MGST1: variants seen among roughly 807,000 people sequenced by gnomAD.
MGST1 encodes glutathione S-transferase 12.
In MGST1, 5 loss-of-function variants were observed where a neutral mutation model predicts 8.9. The ratio of observed to expected loss-of-function variants is 0.56; its 90% CI spans 0.29 to 1.19. The LOEUF (loss-of-function observed/expected upper bound fraction) is 1.19. Among genes scored for constraint, MGST1 ranks in the 50% most tolerant of loss-of-function variants. The pLI, the probability that MGST1 is intolerant of heterozygous loss-of-function variation, is 0.08. For missense variants in MGST1, 182 were observed against 187.4 expected (o/e 0.97, Z 0.17); for synonymous variants, 54 against 67.8 (o/e 0.80, Z 1.00).
At chr12:16,466,169 T>C (rs1355704363) in intron 4 of MGST1, among the ~76,000 whole-genome samples, 1 of 152,202 alleles carries the variant, frequency 6.6e-6, no homozygotes, top group African/African-American at 2.4e-5. Context: ...ACACGTCATT[T>C]CTGATTTCTG....
chr12:16,381,335 G>A (rs1940452227), downstream of MGST1, among the ~76,000 whole-genome samples: 1 of 152,116 alleles, frequency 6.6e-6, no homozygotes, highest in African/African-American at 2.4e-5. Context: ...GGCAGGCCTG[G>A]TGGTGACAAA....
At chr12:16,351,955 G>A (rs1345763219) in intron 1 of MGST1, among the ~76,000 whole-genome samples, 2 of 152,180 alleles carry the variant, frequency 1.3e-5, no homozygotes, top group Non-Finnish European at 2.9e-5. Flanking sequence ...ACTTGTGCCA[G>A]CCACAGAGTA....
At chr12:16,357,531 G>T in intron 2 of MGST1, 74 bp from the exon 3 acceptor site, 2 of 1,140,464 alleles carry the variant, frequency 1.8e-6, no homozygotes, top group South Asian at 1.5e-5. Context: ...CTCACAAAGC[G>T]CTGGAATTAC....
chr12:16,365,410 G>A (rs1033272953), downstream of MGST1, among the ~76,000 whole-genome samples: 1 of 152,006 alleles, frequency 6.6e-6, no homozygotes, highest in African/African-American at 2.4e-5. Context: ...TTTTAAATAT[G>A]TATTTCTCAA....
At position 16,559,371 on chromosome 12, in the gene MGST1, C is replaced by T. The variant is rs1942306226; in HGVS notation, n.483-30157C>T. On this transcript the variant is annotated intron_variant and non_coding_transcript_variant, in intron 4 of 4. Coordinates refer to the MGST1 transcript ENST00000538857. This position sits in a 1 kb window ranked among gnomAD's most constrained non-coding sequence, Gnocchi z 4.1. ...AATGGAATTAAGTGATAATACTTTT[C>T]AGCTGAAAGAATTCTCTGAGATGAA... is the stretch of plus-strand genomic sequence containing the variant. Among the ~76,000 whole-genome samples the T allele has an allele frequency of 6.6e-6, 1 of 152,082 alleles. No homozygotes were observed. The highest frequency in any genetic ancestry group is 2.4e-5 in the African/African-American group (1 of 41,416).
intron 4 of MGST1, among the ~76,000 whole-genome samples, chr12:16,552,697 T>A (rs1345149997): frequency 6.6e-6 from 1 of 152,074 alleles, no homozygotes; most frequent in Non-Finnish European, 1.5e-5. Flanking sequence ...CTGATGATGT[T>A]GATTGAAAGC....
downstream of MGST1, among the ~76,000 whole-genome samples, chr12:16,590,074 A>G (rs2137610689): frequency 6.6e-6 from 1 of 152,264 alleles, no homozygotes; most frequent in East Asian, 1.9e-4. Flanking sequence ...AGCCCATTTT[A>G]TAAATATACA....
chr12:16,536,682 A>T, intron 4 of MGST1, among the ~76,000 whole-genome samples: 1 of 152,138 alleles, frequency 6.6e-6, no homozygotes, highest in East Asian at 1.9e-4. Context: ...GGTGAAAGGC[A>T]CGTCTTACAT....
intron 4 of MGST1, among the ~76,000 whole-genome samples, chr12:16,564,118 A>AT (rs1187877549): frequency 4.6e-5 from 7 of 152,010 alleles, no homozygotes; most frequent in East Asian, 1.9e-4. Context: ...TTTCTATTCC[A>AT]TTTTTTTGCT....
chr12:16,394,575 T>TTC (rs147211015), intron 1 of MGST1, among the ~76,000 whole-genome samples: 1,059 of 73,352 alleles, frequency 0.014, 33 homozygotes, highest in South Asian at 0.049. Context: ...TCTTTCTTTC[T>TTC]TCTCTCTGTC....
chr12:16,530,986 A>C (rs1316775465), intron 4 of MGST1, among the ~76,000 whole-genome samples: 2 of 152,016 alleles, frequency 1.3e-5, no homozygotes, highest in Non-Finnish European at 2.9e-5. Context: ...TAGGCATGTC[A>C]GGAAACGGCA....
At chr12:16,563,597 C>A (rs1351542950) in intron 4 of MGST1, among the ~76,000 whole-genome samples, 1 of 152,104 alleles carries the variant, frequency 6.6e-6, no homozygotes, top group East Asian at 1.9e-4. Flanking sequence ...ACCTCTTCCT[C>A]TGCACTCTTT....
chr12:16,526,414 G>A (rs1314679030), intron 4 of MGST1, among the ~76,000 whole-genome samples: 6 of 151,822 alleles, frequency 4.0e-5, no homozygotes, highest in East Asian at 1.9e-4. Context: ...CTCCTAGTGC[G>A]GTATGTTGCT....
At chr12:16,462,617 T>C (rs1343770899) in intron 4 of MGST1, among the ~76,000 whole-genome samples, 1 of 152,130 alleles carries the variant, frequency 6.6e-6, no homozygotes, top group African/African-American at 2.4e-5. Context: ...AAGTCACAAT[T>C]TTTGCTGAGA....
At position 16,500,860 on chromosome 12, in the gene MGST1, C is replaced by A; in HGVS notation, n.483-88668C>A. Among the ~76,000 whole-genome samples the A allele has an allele frequency of 6.6e-6, 1 of 152,166 alleles. No homozygotes were observed. Among genetic ancestry groups the A allele is most frequent in the East Asian group, 1.9e-4 (1 of 5,194 alleles). ...GTGGCTCACGCCTGTAATCCCAGCA[C>A]TTTGGGAGACCAAGGCAGGCGGATC... is the stretch of plus-strand genomic sequence containing the variant. On this transcript the variant is annotated intron_variant and non_coding_transcript_variant, in intron 4 of 4. Transcript: ENST00000538857. This position sits in a 1 kb window ranked among gnomAD's most constrained non-coding sequence, Gnocchi z 4.3.
At chr12:16,387,635 T>C (rs1486102385) in intron 1 of MGST1, among the ~76,000 whole-genome samples, 1 of 151,834 alleles carries the variant, frequency 6.6e-6, no homozygotes, top group African/African-American at 2.4e-5. Context: ...CACGCCATTC[T>C]CCTGCCTCAG....
intron 4 of MGST1, among the ~76,000 whole-genome samples, chr12:16,479,101 C>CA (rs1941345954): frequency 6.6e-6 from 1 of 151,810 alleles, no homozygotes; most frequent in Non-Finnish European, 1.5e-5. Context: ...TTTTGAGGTT[C>CA]ATCTACAGTA....
intron 4 of MGST1, among the ~76,000 whole-genome samples, chr12:16,566,957 T>A (rs1942640090): frequency 6.6e-6 from 1 of 152,098 alleles, no homozygotes; most frequent in African/African-American, 2.4e-5. Context: ...ATATATATGT[T>A]AAAAACTACA....
chr12:16,462,433 G>C (rs1941227636), intron 4 of MGST1, among the ~76,000 whole-genome samples: 1 of 151,932 alleles, frequency 6.6e-6, no homozygotes, highest in African/African-American at 2.4e-5. Context: ...TGTAACACAA[G>C]CAAGTACATA....
Sources: gnomAD v4.1 joint callset for allele counts (sites outside exome capture counted in the v4.1 genomes callset) on GRCh38, gnomAD v4.1.1 for gene constraint, Gnocchi (gnomAD v3.1) non-coding constraint, MANE v1.5 for transcripts, NCBI Gene and HGNC (gene_info 2026-07-23, HGNC 2026-07-21) for gene names.